Variants in DCDC1 observed in about 807,000 individuals in gnomAD.
DCDC1 encodes the protein doublecortin domain containing 1, also known as doublecortin domain-containing protein 1.
In DCDC1, 200 loss-of-function variants were observed where a neutral mutation model predicts 178.3. The ratio of observed to expected loss-of-function variants is 1.12; its 90% confidence interval spans 1.00 to 1.26. The LOEUF is 1.26. DCDC1 is among the 50% of genes most tolerant of loss of function. The pLI is 0.00. For synonymous variants in DCDC1, 690 were observed against 604.8 expected (o/e 1.14, Z -2.07); for missense variants, 1,983 against 1,749.2 (o/e 1.13, Z -2.38).
intron 29 of DCDC1, among the ~76,000 whole-genome samples, chr11:30,908,072 T>C (rs1333551484): frequency 6.6e-6 from 1 of 152,108 alleles, no homozygotes; most frequent in Admixed American, 6.6e-5. Flanking sequence ...TTAAGTGAAA[T>C]GTCTTTGGGG....
chr11:31,337,002 C>A (rs190299249), intron 1 of DCDC1, among the ~76,000 whole-genome samples: 187 of 152,312 alleles, frequency 1.2e-3, no homozygotes, highest in Non-Finnish European at 2.1e-3. Context: ...CATACCAACC[C>A]TGGACTATCT....
intron 20 of DCDC1, among the ~76,000 whole-genome samples, chr11:31,006,942 C>T (rs184428911): frequency 4.6e-5 from 7 of 152,290 alleles, no homozygotes; most frequent in Non-Finnish European, 8.8e-5. Context: ...ATGCTATTCT[C>T]CAGTATTCAC....
chr11:31,257,683 CAGAT>C (rs1196084617), intron 8 of DCDC1, among the ~76,000 whole-genome samples: 1 of 143,158 alleles, frequency 7.0e-6, no homozygotes, highest in East Asian at 2.2e-4. Context: ...ACATATTTGA[CAGAT>C]AGGAAAACAC....
chr11:31,064,163 G>C (rs755370442), intron 20 of DCDC1, among the ~76,000 whole-genome samples: 1 of 152,004 alleles, frequency 6.6e-6, no homozygotes, highest in Non-Finnish European at 1.5e-5. Flanking sequence ...TTTAACAATT[G>C]GGTGTATGGT....
At chr11:31,366,942 T>C (rs1951992269) in intron 1 of DCDC1, among the ~76,000 whole-genome samples, 1 of 152,188 alleles carries the variant, frequency 6.6e-6, no homozygotes, top group Non-Finnish European at 1.5e-5. Flanking sequence ...GAGTTTCAGC[T>C]CTTTGATACT....
intron 10 of DCDC1, among the ~76,000 whole-genome samples, chr11:31,132,460 TA>T (rs1298845499): frequency 1.3e-5 from 2 of 152,210 alleles, no homozygotes; most frequent in East Asian, 3.8e-4. Flanking sequence ...CAGATATTGC[TA>T]AAAGGGGGAA....
chr11:31,197,937 T>C (rs1970872189), intron 9 of DCDC1, among the ~76,000 whole-genome samples: 1 of 152,096 alleles, frequency 6.6e-6, no homozygotes, highest in Non-Finnish European at 1.5e-5. Flanking sequence ...TAATATGGAA[T>C]AGTACCTACA....
At chr11:31,073,770 T>A (rs1187676582) in intron 18 of DCDC1, among the ~76,000 whole-genome samples, 1 of 152,204 alleles carries the variant, frequency 6.6e-6, no homozygotes, top group Non-Finnish European at 1.5e-5. Context: ...TGTGTCAAAT[T>A]CCCTTCTATG....
intron 8 of DCDC1, among the ~76,000 whole-genome samples, chr11:31,244,675 T>C (rs1005896538): frequency 6.6e-6 from 1 of 151,756 alleles, no homozygotes; most frequent in South Asian, 2.1e-4. Context: ...CAACATTTCA[T>C]ATTAAATGGT....
intron 20 of DCDC1, among the ~76,000 whole-genome samples, chr11:30,979,074 C>G (rs2134772347): frequency 6.6e-6 from 1 of 152,248 alleles, no homozygotes; most frequent in Non-Finnish European, 1.5e-5. Context: ...TAACTGTGCC[C>G]ATTAACCTCT....
At chr11:31,047,687 A>G (rs1195192590) in intron 20 of DCDC1, among the ~76,000 whole-genome samples, 1 of 152,112 alleles carries the variant, frequency 6.6e-6, no homozygotes, top group Non-Finnish European at 1.5e-5. Context: ...AAGTTATTTC[A>G]TTGTGTATAT....
At chr11:31,369,149 TTGA>T (rs1952136164) in intron 1 of DCDC1, among the ~76,000 whole-genome samples, 1 of 152,228 alleles carries the variant, frequency 6.6e-6, no homozygotes, top group Admixed American at 6.5e-5. Context: ...GCCTTGATCC[TTGA>T]TTTCTTTCCT....
intron 1 of DCDC1, among the ~76,000 whole-genome samples, chr11:31,362,458 T>C (rs1311031263): frequency 6.6e-6 from 1 of 152,232 alleles, no homozygotes. Context: ...ATGATAATCA[T>C]ATGAAAATAT....
intron 9 of DCDC1, among the ~76,000 whole-genome samples, chr11:31,201,521 T>C (rs545972137): frequency 1.3e-5 from 2 of 152,194 alleles, no homozygotes; most frequent in East Asian, 3.9e-4. Context: ...GTACTCAGAA[T>C]AGCTTCTTAA....
At position 31,290,837 on chromosome 11, in the gene DCDC1, A is replaced by G. The variant is rs768587567; in HGVS notation, c.770T>C (p.Ile257Thr). The G allele has an allele frequency of 1.2e-6, 2 of 1,611,376 alleles. No homozygotes were observed. Among genetic ancestry groups the G allele is most frequent in the South Asian group, 1.1e-5 (1 of 90,502 alleles). The change falls in exon 7 of 39, where the codon ATT (isoleucine) becomes ACT (threonine). Residue 257 changes from isoleucine (I) to threonine (T), a missense_variant. Coordinates refer to ENST00000684477, the MANE Select transcript of DCDC1 (RefSeq NM_001387274.1). ...ATTCATTGTCCAAGTTACTTTCTTA[A>G]TTAACAACAGATGGTCTAGAAGATA... ...FKKIKDHLLL[I>T]KKVTWTMNGL... is the part of the protein sequence containing the mutation.
intron 9 of DCDC1, among the ~76,000 whole-genome samples, chr11:31,212,214 C>T (rs1339388656): frequency 6.6e-6 from 1 of 151,424 alleles, no homozygotes; most frequent in Non-Finnish European, 1.5e-5. Context: ...AACATAAATT[C>T]TGTATGAATG....
intron 6 of DCDC1, among the ~76,000 whole-genome samples, chr11:31,293,250 C>G (rs145600345): frequency 1.3e-5 from 2 of 152,062 alleles, no homozygotes; most frequent in Admixed American, 1.3e-4. Context: ...ACAGAATCTA[C>G]TCAGAGTATT....
chr11:31,270,580 C>T (rs1945481796), intron 7 of DCDC1, among the ~76,000 whole-genome samples: 1 of 152,178 alleles, frequency 6.6e-6, no homozygotes, highest in Admixed American at 6.5e-5. Flanking sequence ...AGACCCACAA[C>T]CTCTTTTAAA....
At chr11:31,005,409 T>C (rs367789642) in intron 20 of DCDC1, among the ~76,000 whole-genome samples, 1 of 152,030 alleles carries the variant, frequency 6.6e-6, no homozygotes, top group East Asian at 1.9e-4. Context: ...ACAGCTGCAG[T>C]GAACCACAGA....
Sources: allele counts gnomAD v4.1 joint callset (sites outside exome capture counted in the v4.1 genomes callset), GRCh38; gene constraint gnomAD v4.1.1; transcripts MANE v1.5; gene names NCBI Gene and HGNC (gene_info 2026-07-23, HGNC 2026-07-21).